The following ZNF846 variants were observed in gnomAD, a reference collection of about 807,000 sequenced individuals.
ZNF846 encodes zinc finger protein 846, also known as zinc finger protein 420 pseudogene.
Under a neutral mutation model 16.0 loss-of-function variants are expected in ZNF846, and 15 were observed. The ratio of observed to expected loss-of-function variants is 0.94; its 90% confidence interval spans 0.63 to 1.45. The LOEUF (loss-of-function observed/expected upper bound fraction) is 1.45. Ranked by LOEUF, ZNF846 falls within the 40% of genes most tolerant of loss-of-function variation. The probability of loss-of-function intolerance (pLI) is 0.00; values close to 1 mark genes in which losing one functional copy is unlikely to be tolerated. For synonymous variants in ZNF846, 229 were observed against 212.0 expected (o/e 1.08, Z -0.70); for missense variants, 714 against 622.3 (o/e 1.15, Z -1.57).
At chr19:9,748,846 CT>C (rs1231500726), downstream of ZNF846, among the ~76,000 whole-genome samples, 1 of 152,108 alleles carries the variant, frequency 6.6e-6, no homozygotes, top group Non-Finnish European at 1.5e-5. Flanking sequence ...GACACCAGCC[CT>C]CTAGGCGACT....
chr19:9,757,545 C>T, exon 6 of ZNF846: 1 of 1,611,924 alleles, frequency 6.2e-7, no homozygotes, highest in Non-Finnish European at 8.5e-7. Flanking sequence ...GTTTTTCCCA[C>T]ATTTCTTACA....
At chr19:9,784,062 G>A (rs926760051) in intron 1 of ZNF846, among the ~76,000 whole-genome samples, 5 of 151,740 alleles carry the variant, frequency 3.3e-5, no homozygotes, top group Admixed American at 3.3e-4. Context: ...GATTTTTTTC[G>A]TATTGAAGGG....
intron 4 of ZNF846, 39 bp from the exon 5 acceptor site, chr19:9,759,981 G>T: frequency 6.5e-7 from 1 of 1,538,302 alleles, no homozygotes; most frequent in South Asian, 1.1e-5. Context: ...GAGAAAAATT[G>T]TGGAATAAAG....
At chr19:9,752,361 A>C (rs2045090894) in exon 6 of ZNF846, 1 of 284,272 alleles carries the variant, frequency 3.5e-6, no homozygotes, top group African/African-American at 2.3e-5. Context: ...TAATCCCAGC[A>C]CTTTGGGAGG....
intron 1 of ZNF846, among the ~76,000 whole-genome samples, chr19:9,779,053 ACT>A (rs2045474983): frequency 6.6e-6 from 1 of 152,028 alleles, no homozygotes; most frequent in African/African-American, 2.4e-5. Flanking sequence ...CTAGGCTTAA[ACT>A]CTCTGTGCAT....
intron 1 of ZNF846, among the ~76,000 whole-genome samples, chr19:9,782,216 A>C (rs1274552744): frequency 6.6e-6 from 1 of 152,156 alleles, no homozygotes; most frequent in East Asian, 1.9e-4. Flanking sequence ...ACTAGTTTTT[A>C]CCACAAAATG....
chr19:9,756,345 G>GTATATATATATATATATATA (rs369347660), downstream of ZNF846: 2 of 81,772 alleles, frequency 2.4e-5, no homozygotes, highest in African/African-American at 1.2e-4. Context: ...GTGTGTGTGT[G>GTATATATATATATATATATA]TATATATATA....
downstream of ZNF846, among the ~76,000 whole-genome samples, chr19:9,753,235 T>TATTG (rs1438193373): frequency 8.8e-6 from 1 of 113,544 alleles, no homozygotes; most frequent in African/African-American, 2.9e-5. Context: ...TTTATTTATT[T>TATTG]ATTTATTTAT....
chr19:9,752,698 C>G (rs1459019656), downstream of ZNF846, among the ~76,000 whole-genome samples: 1 of 148,704 alleles, frequency 6.7e-6, no homozygotes, highest in Non-Finnish European at 1.5e-5. Context: ...TCTAGAATGC[C>G]TTGTAGCTGG....
chr19:9,783,452 T>A (rs2145327311), intron 1 of ZNF846, among the ~76,000 whole-genome samples: 1 of 145,710 alleles, frequency 6.9e-6, no homozygotes, highest in Admixed American at 6.9e-5. Context: ...AGTTCAAGGC[T>A]GCAGTGTGCT....
chr19:9,767,039 C>T (rs2045327533), intron 1 of ZNF846, among the ~76,000 whole-genome samples: 1 of 151,200 alleles, frequency 6.6e-6, no homozygotes, highest in Non-Finnish European at 1.5e-5. Context: ...GTTGTCCCAG[C>T]TTGTCTCAAA....
intron 1 of ZNF846, among the ~76,000 whole-genome samples, chr19:9,777,125 G>C (rs1023112875): frequency 6.7e-6 from 1 of 148,496 alleles, no homozygotes; most frequent in African/African-American, 2.5e-5. Flanking sequence ...AGAAGAAGAA[G>C]AACGAAAGAA....
rs56001426 is a variant in ZNF846 at position 9,778,803 on chromosome 19, C to CAAA, written c.-86+7132_-86+7134dup. Among the ~76,000 whole-genome samples, 403 of 51,206 alleles carry CAAA rather than the reference C, an allele frequency of 7.9e-3. 9 individuals carry two copies. The highest frequency in any genetic ancestry group is 0.019 in the African/African-American group (301 of 16,146). The allele number at this position is 51,206 out of a possible 152,430, so 33.6% of individuals were successfully genotyped here. A position where few individuals can be genotyped will look rare whatever the true frequency, so the allele number is the denominator to read the frequency against. On this transcript the variant is annotated intron_variant, in intron 1 of 4. Transcript: ENST00000586814. ...GGGCAACAAGAGCGAAAACTCGTCTCAAAAAAAAAAAAAAAAAAAAAAAAG... is the reference window on the plus strand; with the variant it reads ...GGGCAACAAGAGCGAAAACTCGTCTCAAAAAAAAAAAAAAAAAAAAAAAAAAAG...
chr19:9,765,665 T>A (rs1742851057), intron 1 of ZNF846, among the ~76,000 whole-genome samples: 1 of 152,088 alleles, frequency 6.6e-6, no homozygotes. Context: ...AGAGCAAGAC[T>A]CCATCTCAAA....
chr19:9,760,951 A>G (rs755242532), intron 4 of ZNF846, among the ~76,000 whole-genome samples: 58 of 151,532 alleles, frequency 3.8e-4, no homozygotes, highest in Non-Finnish European at 7.4e-4. Flanking sequence ...TAATCCCAAC[A>G]CTTTGGGAGA....
intron 1 of ZNF846, among the ~76,000 whole-genome samples, chr19:9,779,300 C>T (rs2045477120): frequency 6.6e-6 from 1 of 151,934 alleles, no homozygotes; most frequent in South Asian, 2.1e-4. Context: ...CTGAGTTTCA[C>T]TCTTGTTGCC....
intron 1 of ZNF846, among the ~76,000 whole-genome samples, chr19:9,784,783 T>TGGCG (rs2045541658): frequency 6.6e-6 from 1 of 152,126 alleles, no homozygotes; most frequent in Non-Finnish European, 1.5e-5. Flanking sequence ...GAATGGAGCA[T>TGGCG]GGCGATGCCT....
chr19:9,753,142 C>T (rs1052910765), downstream of ZNF846, among the ~76,000 whole-genome samples: 2 of 151,724 alleles, frequency 1.3e-5, no homozygotes, highest in Non-Finnish European at 2.9e-5. Context: ...ATGACTTCAT[C>T]ATGTCCCAAA....
chr19:9,759,914 G>A (rs1208896986), exon 5 of ZNF846: 2 of 1,612,988 alleles, frequency 1.2e-6, no homozygotes, highest in Admixed American at 3.3e-5. Flanking sequence ...GCAGTGGGGA[G>A]CCTTTGGTTT....
Sources: gnomAD v4.1 joint callset for allele counts (sites outside exome capture counted in the v4.1 genomes callset) on GRCh38, gnomAD v4.1.1 for gene constraint, MANE v1.5 for transcripts, NCBI Gene and HGNC (gene_info 2026-07-23, HGNC 2026-07-21) for gene names.